Variants in FCHSD2 observed in about 807,000 individuals in gnomAD.
FCHSD2 encodes FCH and double SH3 domains 2.
In FCHSD2, 38 loss-of-function variants were observed where a neutral mutation model predicts 108.1. The observed-to-expected ratio is 0.35, with a 90% confidence interval of 0.27 to 0.46. The LOEUF (loss-of-function observed/expected upper bound fraction) is 0.46. FCHSD2 is among the 20% of genes least tolerant of loss of function. The probability of loss-of-function intolerance (pLI) is 1.00; values close to 1 mark genes in which losing one functional copy is unlikely to be tolerated. For missense variants in FCHSD2, 751 were observed against 897.8 expected (o/e 0.84, Z 2.09); for synonymous variants, 279 against 314.7 (o/e 0.89, Z 1.20).
intron 13 of FCHSD2, among the ~76,000 whole-genome samples, chr11:72,866,786 T>C (rs760363419): frequency 2.0e-5 from 3 of 152,186 alleles, no homozygotes; most frequent in East Asian, 1.9e-4. Context: ...TGTGAAAAAA[T>C]TGACAAAACT....
chr11:73,027,393 T>C (rs1252478686), intron 3 of FCHSD2, among the ~76,000 whole-genome samples: 1 of 152,158 alleles, frequency 6.6e-6, no homozygotes, highest in African/African-American at 2.4e-5. Context: ...AGAGATGATT[T>C]AGGGTATCTG....
intron 3 of FCHSD2, among the ~76,000 whole-genome samples, chr11:73,032,183 A>G (rs946908669): frequency 6.6e-6 from 1 of 152,178 alleles, no homozygotes; most frequent in Admixed American, 6.5e-5. Context: ...ATGAGGTTCA[A>G]AAGTAAGAGC....
At chr11:73,108,834 G>A (rs1370287394) in intron 2 of FCHSD2, among the ~76,000 whole-genome samples, 2 of 151,858 alleles carry the variant, frequency 1.3e-5, no homozygotes, top group Non-Finnish European at 2.9e-5. Context: ...GCCTCCCAAA[G>A]TGCTGGGATT....
At chr11:72,984,271 A>G in intron 7 of FCHSD2, 55 bp from the exon 8 acceptor site, 1 of 1,555,658 alleles carries the variant, frequency 6.4e-7, no homozygotes, top group South Asian at 1.1e-5. Context: ...ACTGCAAAAC[A>G]CATAGGAATC....
At chr11:73,028,293 C>T (rs976283756) in intron 3 of FCHSD2, among the ~76,000 whole-genome samples, 3 of 152,196 alleles carry the variant, frequency 2.0e-5, no homozygotes, top group African/African-American at 7.2e-5. Context: ...CTTGCAACAG[C>T]GTGCCCTGGA....
rs1315606666 is a variant in FCHSD2 at position 72,943,164 on chromosome 11, T to C, written c.706-21214A>G. ...GTGCCACCATGCCCAGCTAATTTTTTGTATTTTTATTAGAAATGGGGTTTC... is the reference window on the plus strand; with the variant it reads ...GTGCCACCATGCCCAGCTAATTTTTCGTATTTTTATTAGAAATGGGGTTTC... On this transcript the variant is annotated intron_variant, in intron 8 of 19. Coordinates refer to ENST00000409418, the MANE Select transcript of FCHSD2 (RefSeq NM_014824.3). 7.9e-5 allele frequency among the ~76,000 whole-genome samples: 12 copies of C among 152,132 alleles called. 1 individual carries two copies. Among genetic ancestry groups the C allele is most frequent in the Admixed American group, 7.2e-4 (11 of 15,276 alleles).
intron 8 of FCHSD2, among the ~76,000 whole-genome samples, chr11:72,933,113 G>T (rs914538415): frequency 3.9e-5 from 6 of 152,134 alleles, no homozygotes; most frequent in Non-Finnish European, 8.8e-5. Context: ...AACAGATCCT[G>T]CTGTCCTGAT....
At chr11:72,965,276 T>G (rs768000475) in intron 8 of FCHSD2, among the ~76,000 whole-genome samples, 1 of 152,200 alleles carries the variant, frequency 6.6e-6, no homozygotes. Flanking sequence ...GAATTATTGT[T>G]GCCTCTATAC....
intron 9 of FCHSD2, among the ~76,000 whole-genome samples, chr11:72,910,282 G>A (rs569413623): frequency 1.8e-4 from 28 of 152,134 alleles, no homozygotes; most frequent in South Asian, 4.1e-4. Flanking sequence ...AGTGAGGAGC[G>A]CCTTTGTCCG....
In FCHSD2 at chr11:72,959,811, G is replaced by A. The variant is rs368062555; in HGVS notation, c.705+24277C>T. Among the ~76,000 whole-genome samples the A allele has an allele frequency of 4.2e-4, 64 of 151,772 alleles. No individual in the cohort carries two copies. The South Asian group carries it at 0.013, about 31-fold the overall frequency. ...TGTACATTATATGCTGATGAGCAGAGGTAGAACTATACTTCAAATTTCCCT... is the reference window on the plus strand; with the variant it reads ...TGTACATTATATGCTGATGAGCAGAAGTAGAACTATACTTCAAATTTCCCT... On this transcript the variant is annotated intron_variant, in intron 8 of 19. Transcript: ENST00000409418.
intron 13 of FCHSD2, among the ~76,000 whole-genome samples, chr11:72,850,744 A>G (rs1160670967): frequency 6.6e-6 from 1 of 152,092 alleles, no homozygotes; most frequent in East Asian, 1.9e-4. Flanking sequence ...ACTGTTAAGT[A>G]CTGACTGACA....
At chr11:72,945,533 G>A (rs1856502496) in intron 8 of FCHSD2, among the ~76,000 whole-genome samples, 1 of 152,138 alleles carries the variant, frequency 6.6e-6, no homozygotes, top group Non-Finnish European at 1.5e-5. Context: ...GGCAACAAAA[G>A]CCAAAATTGA....
At chr11:72,892,502 A>G (rs1855333441) in intron 10 of FCHSD2, among the ~76,000 whole-genome samples, 1 of 152,268 alleles carries the variant, frequency 6.6e-6, no homozygotes, top group Non-Finnish European at 1.5e-5. Flanking sequence ...AGCCCAGGCT[A>G]TTAAACAATA....
At chr11:72,923,650 T>C (rs895371605) in intron 8 of FCHSD2, among the ~76,000 whole-genome samples, 23 of 152,100 alleles carry the variant, frequency 1.5e-4, no homozygotes, top group Admixed American at 3.3e-4. Context: ...ATTTTTAAAT[T>C]AGGTTGTCAG....
At chr11:72,902,968 T>G (rs1454001574) in intron 9 of FCHSD2, among the ~76,000 whole-genome samples, 2 of 152,126 alleles carry the variant, frequency 1.3e-5, no homozygotes, top group Non-Finnish European at 2.9e-5. Flanking sequence ...AGTGTGCAGA[T>G]AAGGAAACAC....
intron 3 of FCHSD2, among the ~76,000 whole-genome samples, chr11:73,071,281 A>C (rs1859429454): frequency 6.6e-6 from 1 of 152,152 alleles, no homozygotes; most frequent in Non-Finnish European, 1.5e-5. Context: ...TCTATAATGG[A>C]GGCTGTTGAA....
chr11:72,896,791 G>C (rs903366657), intron 10 of FCHSD2, among the ~76,000 whole-genome samples: 1 of 91,084 alleles, frequency 1.1e-5, no homozygotes, highest in Non-Finnish European at 2.3e-5. Flanking sequence ...AAAAAAAAAA[G>C]AAAGAAATAT....
intron 8 of FCHSD2, among the ~76,000 whole-genome samples, chr11:72,941,956 A>G (rs1856428325): frequency 6.6e-6 from 1 of 152,258 alleles, no homozygotes; most frequent in South Asian, 2.1e-4. Context: ...AGTTAATGGC[A>G]TATTAATATG....
intron 4 of FCHSD2, 134 bp downstream of exon 4, chr11:73,015,675 T>C: frequency 3.9e-6 from 2 of 516,740 alleles, no homozygotes; most frequent in Non-Finnish European, 6.9e-6. Flanking sequence ...TTTGATAATT[T>C]TGAAATTATA....
Sources: gnomAD v4.1 joint callset for allele counts (sites outside exome capture counted in the v4.1 genomes callset) on GRCh38, gnomAD v4.1.1 for gene constraint, MANE v1.5 for transcripts, NCBI Gene and HGNC (gene_info 2026-07-23, HGNC 2026-07-21) for gene names.